Variants in PGAP4 observed in about 807,000 individuals in gnomAD.
The protein encoded by PGAP4 is GPI-N-acetylgalactosamine transferase PGAP4.
PGAP4 carries 12 observed loss-of-function variants against 28.2 expected under a neutral mutation model. That is an observed-to-expected ratio of 0.42 (90% CI 0.27 to 0.69). PGAP4 has a LOEUF of 0.69. PGAP4 is among the 30% of genes least tolerant of loss of function. PGAP4 has a pLI of 0.22. For missense variants in PGAP4, 425 were observed against 513.5 expected (o/e 0.83, Z 1.67); for synonymous variants, 205 against 211.8 (o/e 0.97, Z 0.28).
chr9:101,495,227 A>G (rs1301714349), intron 2 of PGAP4, among the ~76,000 whole-genome samples: 172 of 56,824 alleles, frequency 3.0e-3, no homozygotes, highest in Middle Eastern at 0.016. Context: ...TATATATTAT[A>G]TATATTTTAT....
intron 2 of PGAP4, among the ~76,000 whole-genome samples, chr9:101,497,551 A>G (rs1407693519): frequency 6.6e-6 from 1 of 151,624 alleles, no homozygotes; most frequent in Non-Finnish European, 1.5e-5. Flanking sequence ...ACACCTTAAT[A>G]TATATAAACA....
At chr9:101,526,738 T>G (rs1223098548) in intron 2 of PGAP4, among the ~76,000 whole-genome samples, 1 of 152,232 alleles carries the variant, frequency 6.6e-6, no homozygotes, top group African/African-American at 2.4e-5. Flanking sequence ...CATGAGCCAC[T>G]GCGCCTGGCC....
At chr9:101,524,501 C>T (rs1414613056) in intron 2 of PGAP4, among the ~76,000 whole-genome samples, 1 of 152,170 alleles carries the variant, frequency 6.6e-6, no homozygotes, top group Non-Finnish European at 1.5e-5. Flanking sequence ...GGCTTCTCAC[C>T]CCATTCAAAT....
intron 2 of PGAP4, among the ~76,000 whole-genome samples, chr9:101,509,552 A>C (rs115103301): frequency 2.3e-3 from 343 of 152,274 alleles, no homozygotes; most frequent in African/African-American, 8.0e-3. Flanking sequence ...TTAGAAAGCT[A>C]TCTCACTTCT....
chr9:101,494,551 A>G (rs577981485), intron 2 of PGAP4, among the ~76,000 whole-genome samples: 1 of 151,960 alleles, frequency 6.6e-6, no homozygotes, highest in East Asian at 1.9e-4. Flanking sequence ...TGTTTTGTTT[A>G]ATCCTGATTA....
At chr9:101,496,952 A>G (rs1456901124) in intron 2 of PGAP4, among the ~76,000 whole-genome samples, 5 of 150,704 alleles carry the variant, frequency 3.3e-5, no homozygotes, top group Admixed American at 2.7e-4. Flanking sequence ...AATATTAAAA[A>G]CTATTTGTAC....
At position 101,523,619 on chromosome 9, in the gene PGAP4, CTTTTTTTTTTTT is replaced by C. The variant is rs71356369; in HGVS notation, c.-165+7717_-165+7728del. 1.1e-3 allele frequency among the ~76,000 whole-genome samples: 68 copies of C among 59,354 alleles called. 1 individual carries two copies. Among genetic ancestry groups the C allele is most frequent in the African/African-American group, 3.7e-3 (52 of 14,130 alleles). The allele number at this position is 59,354 out of a possible 152,430, so 38.9% of individuals were successfully genotyped here. Reference sequence around the variant, plus strand: ...ACATTTCTCCCCTCACTTCTTGTATCTTTTTTTTTTTTTTTTTTTTTTTTTTTTTTTTTGGAT... The same window carrying C: ...ACATTTCTCCCCTCACTTCTTGTATCTTTTTTTTTTTTTTTTTTTTTGGAT... On this transcript the variant is annotated intron_variant, in intron 2 of 3. Coordinates refer to the PGAP4 transcript ENST00000374851.
At chr9:101,493,249 T>C (rs1438696102) in intron 2 of PGAP4, among the ~76,000 whole-genome samples, 2 of 128,878 alleles carry the variant, frequency 1.6e-5, no homozygotes, top group East Asian at 2.3e-4. Flanking sequence ...CGAGACTCCA[T>C]CTCAAAAAAA....
intron 2 of PGAP4, among the ~76,000 whole-genome samples, chr9:101,528,480 T>C (rs1827055508): frequency 6.6e-6 from 1 of 152,118 alleles, no homozygotes; most frequent in African/African-American, 2.4e-5. Context: ...CTTCTGGAAA[T>C]GGAAATTCCA....
At chr9:101,497,039 G>A (rs1239326878) in intron 2 of PGAP4, among the ~76,000 whole-genome samples, 1 of 150,668 alleles carries the variant, frequency 6.6e-6, no homozygotes, top group East Asian at 2.0e-4. Context: ...AACTTAGGAA[G>A]CAAGAAATCT....
Position 101,486,336 on chromosome 9 carries a change from C to G in PGAP4, c.-78+613G>C, listed in dbSNP as rs1826612942. Among the ~76,000 whole-genome samples the G allele has an allele frequency of 6.6e-6, 1 of 152,214 alleles. No homozygotes were observed. Among genetic ancestry groups the G allele is most frequent in the Non-Finnish European group, 1.5e-5 (1 of 68,032 alleles). ...ACCGTCTCCATCGCTGCGCTCCTTC[C>G]CTTCTGCTGGTTTTTCCTGGTCCTG... On this transcript the variant is annotated intron_variant, in intron 1 of 1. Coordinates refer to ENST00000374848, the MANE Select transcript of PGAP4 (RefSeq NM_032342.3). This position sits in a 1 kb window ranked among gnomAD's most constrained non-coding sequence, Gnocchi z 4.7.
At chr9:101,477,289 G>C (rs4742817) in intron 1 of PGAP4, 120 bp from the exon 2 acceptor site, 272,550 of 637,468 alleles carry the variant, frequency 0.43, 61,241 homozygotes, top group East Asian at 0.54. Flanking sequence ...AATTATAATA[G>C]GAGGCTCTGT....
chr9:101,482,935 T>C (rs937784118), intron 1 of PGAP4, among the ~76,000 whole-genome samples: 1 of 152,182 alleles, frequency 6.6e-6, no homozygotes, highest in African/African-American at 2.4e-5. Flanking sequence ...CTGAACAAAA[T>C]AGCAACTCTC....
At chr9:101,529,369 G>A (rs1402034473) in intron 2 of PGAP4, among the ~76,000 whole-genome samples, 2 of 152,112 alleles carry the variant, frequency 1.3e-5, no homozygotes, top group Non-Finnish European at 2.9e-5. Context: ...TGGCCAGGCT[G>A]GTCTTGAACT....
rs535450480 is a variant in PGAP4, at chr9:101,518,513, GTGAGAATGTTCTCATATGA to G, written c.-165+12816_-165+12834del. ...TTCATAGCTTAGCTCCCACATATCA[GTGAGAATGTTCTCATATGA>G]TGAGAATGTTCTCATACAATATTCT... On this transcript the variant is annotated intron_variant, in intron 2 of 3. Transcript: ENST00000374851. 1.7e-4 allele frequency among the ~76,000 whole-genome samples: 26 copies of G among 152,230 alleles called. No individual in the cohort carries two copies. The South Asian group carries it at 3.3e-3, about 19-fold the overall frequency.
At position 101,476,933 on chromosome 9, in the gene PGAP4, G is replaced by A. The variant is rs549863880; in HGVS notation, c.160C>T (p.Arg54Cys). ...HRLLHSYFYL[R>C]HWHLNQMSQE... ...CTCATTTGGTTCAGATGCCAATGGCGCAGATAGAAGTAAGAGTGTAGAAGT... is the reference window on the plus strand; with the variant it reads ...CTCATTTGGTTCAGATGCCAATGGCACAGATAGAAGTAAGAGTGTAGAAGT... The change falls in exon 2 of 2, where the codon CGC becomes TGC. Residue 54 changes from arginine to cysteine, a missense_variant. By Grantham distance (180) the Arg-to-Cys change is radical. Transcript: ENST00000374848. This position sits in a 1 kb window ranked among gnomAD's most constrained non-coding sequence, Gnocchi z 7.0. 9 of 1,614,194 alleles carry A rather than the reference G, an allele frequency of 5.6e-6. No homozygotes were observed. The highest frequency in any genetic ancestry group is 2.7e-5 in the African/African-American group (2 of 75,056).
intron 1 of PGAP4, among the ~76,000 whole-genome samples, chr9:101,477,858 C>T (rs1416669364): frequency 6.6e-6 from 1 of 152,060 alleles, no homozygotes; most frequent in Admixed American, 6.5e-5. Flanking sequence ...TCTAGAGCCC[C>T]AGGCTTGGGG....
intron 2 of PGAP4, among the ~76,000 whole-genome samples, chr9:101,525,716 A>G (rs1180119935): frequency 6.6e-6 from 1 of 151,098 alleles, no homozygotes; most frequent in Non-Finnish European, 1.5e-5. Context: ...AAAAAAAAAA[A>G]AAAAAGAGAG....
upstream of PGAP4, chr9:101,489,123 T>C (rs1247820149): frequency 1.3e-5 from 2 of 152,062 alleles, no homozygotes; most frequent in African/African-American, 4.8e-5. Context: ...CCCAAACTGC[T>C]AGAAAGAGGA....
Sources: allele counts gnomAD v4.1 joint callset (sites outside exome capture counted in the v4.1 genomes callset), GRCh38; gene constraint gnomAD v4.1.1; non-coding constraint Gnocchi (gnomAD v3.1); transcripts MANE v1.5; gene names NCBI Gene and HGNC (gene_info 2026-07-23, HGNC 2026-07-21).